MAGI3: variants seen among roughly 807,000 people sequenced by gnomAD.
MAGI3 encodes the protein membrane associated guanylate kinase, WW and PDZ domain containing 3.
MAGI3 carries 43 observed loss-of-function variants against 121.8 expected under a neutral mutation model. The observed-to-expected ratio is 0.35, with a 90% CI of 0.28 to 0.46. The LOEUF (loss-of-function observed/expected upper bound fraction) is 0.46, where lower values mean the gene tolerates loss of function less well. Among genes scored for constraint, MAGI3 ranks in the 20% least tolerant of loss-of-function variants. The pLI is 1.00. For missense variants in MAGI3, 1,547 were observed against 1,797.3 expected, an observed-to-expected ratio of 0.86 and a Z score of 2.52; for synonymous variants, 553 against 639.3, an observed-to-expected ratio of 0.86 and a Z score of 2.04.
intron 8 of MAGI3, among the ~76,000 whole-genome samples, chr1:113,621,220 C>T (rs1241026044): frequency 3.9e-5 from 6 of 152,064 alleles, no homozygotes; most frequent in Non-Finnish European, 8.8e-5. Context: ...GCCGAAAGGC[C>T]AGAAGGCAAG....
chr1:113,568,942 A>G (rs1437752974), intron 2 of MAGI3, among the ~76,000 whole-genome samples: 1 of 152,154 alleles, frequency 6.6e-6, no homozygotes, highest in African/African-American at 2.4e-5. Flanking sequence ...ATTTGACTAC[A>G]TTAAAATTAA....
At chr1:113,652,261 A>G (rs114608630) in intron 14 of MAGI3, among the ~76,000 whole-genome samples, 13 of 152,352 alleles carry the variant, frequency 8.5e-5, no homozygotes, top group Non-Finnish European at 1.3e-4. Flanking sequence ...GCACAAGAAT[A>G]TAAGCCTCAT....
intron 12 of MAGI3, among the ~76,000 whole-genome samples, chr1:113,647,962 C>T (rs1391982833): frequency 2.0e-5 from 3 of 151,818 alleles, no homozygotes; most frequent in Non-Finnish European, 2.9e-5. Flanking sequence ...TGCTCTGTCA[C>T]CCGGAGCTGG....
chr1:113,677,368 G>C (rs538059363), intron 19 of MAGI3, among the ~76,000 whole-genome samples: 71 of 152,322 alleles, frequency 4.7e-4, no homozygotes, highest in African/African-American at 1.7e-3. Flanking sequence ...CCCACTTACA[G>C]ATTTAAAACT....
intron 1 of MAGI3, among the ~76,000 whole-genome samples, chr1:113,415,465 TC>T (rs1448261870): frequency 1.3e-5 from 2 of 152,188 alleles, no homozygotes; most frequent in Admixed American, 1.3e-4. Flanking sequence ...CTCCTTTTTT[TC>T]CTATCACTTT....
chr1:113,542,357 T>A (rs546800637), intron 1 of MAGI3, among the ~76,000 whole-genome samples: 2 of 150,786 alleles, frequency 1.3e-5, no homozygotes. Flanking sequence ...GTTGAGTTCA[T>A]TGCAGCACTC....
chr1:113,615,879 C>T (rs1025352742), intron 7 of MAGI3, among the ~76,000 whole-genome samples: 3 of 152,060 alleles, frequency 2.0e-5, no homozygotes, highest in African/African-American at 7.2e-5. Flanking sequence ...AAGAAACAAC[C>T]ATTTTTCACA....
chr1:113,674,038 A>G (rs927344016), intron 19 of MAGI3, among the ~76,000 whole-genome samples: 31 of 152,344 alleles, frequency 2.0e-4, no homozygotes, highest in African/African-American at 7.0e-4. Context: ...TTGTTTATAG[A>G]TCTGCATAAG....
chr1:113,397,900 A>G (rs1287360459), intron 1 of MAGI3, among the ~76,000 whole-genome samples: 2 of 152,196 alleles, frequency 1.3e-5, no homozygotes, highest in African/African-American at 2.4e-5. Flanking sequence ...ATGGGAAAAC[A>G]CAATTTGCTA....
At chr1:113,467,515 A>G (rs917872333) in intron 1 of MAGI3, among the ~76,000 whole-genome samples, 2 of 152,030 alleles carry the variant, frequency 1.3e-5, no homozygotes, top group Non-Finnish European at 2.9e-5. Context: ...TACTGAGAGT[A>G]GGGTGTTAAA....
chr1:113,514,148 G>T (rs1350834103), intron 1 of MAGI3, among the ~76,000 whole-genome samples: 1 of 152,218 alleles, frequency 6.6e-6, no homozygotes, highest in Non-Finnish European at 1.5e-5. Flanking sequence ...AGGATGTGGA[G>T]AAATAGGACC....
chr1:113,448,202 T>G (rs1318268535), intron 1 of MAGI3, among the ~76,000 whole-genome samples: 1 of 152,246 alleles, frequency 6.6e-6, no homozygotes, highest in Non-Finnish European at 1.5e-5. Context: ...CTGGGCTTTT[T>G]GGTGATCTTT....
intron 3 of MAGI3, among the ~76,000 whole-genome samples, chr1:113,584,547 A>C (rs1648239936): frequency 6.6e-6 from 1 of 152,188 alleles, no homozygotes; most frequent in African/African-American, 2.4e-5. Flanking sequence ...TTACCCTTAC[A>C]TAAAAAGCCT....
At chr1:113,518,116 T>G (rs184711194) in intron 1 of MAGI3, among the ~76,000 whole-genome samples, 3 of 152,058 alleles carry the variant, frequency 2.0e-5, no homozygotes, top group African/African-American at 7.2e-5. Context: ...AACACACCAC[T>G]GACATTGCTG....
In MAGI3 at chr1:113,672,663, A is replaced by G; in HGVS notation, c.2967A>G (p.Arg989=). Residue 989 remains arginine, a synonymous_variant, in exon 18 of 21, where the codon AGA becomes AGG. Coordinates refer to ENST00000307546, the MANE Select transcript of MAGI3 (RefSeq NM_001142782.2). ...EIGKDVSTSY[R]HSWSDHKHLA... ...GAAAAGATGTCTCCACTTCTTACAG[A>G]CATTCTTGGTCAGACCACAAGCACC... 2.5e-6 allele frequency: 4 copies of G among 1,613,984 alleles called. No homozygotes were observed. The highest frequency in any genetic ancestry group is 3.4e-6 in the Non-Finnish European group (4 of 1,179,934).
At position 113,642,018 on chromosome 1, in the gene MAGI3, T is replaced by C; in HGVS notation, c.1468T>C (p.Leu490=). ...TGTCAATCAGTATGTAAACCTCACT[T>C]TATGTCGTGGTTATCCACTTCCTGA... is the stretch of plus-strand genomic sequence containing the variant. ...VPVNQYVNLT[L]CRGYPLPDDS... is the part of the protein sequence containing the mutation. Residue 490 remains leucine (L), a synonymous_variant, in exon 10 of 21, where the codon TTA becomes CTA. Coordinates refer to ENST00000307546, the MANE Select transcript of MAGI3 (RefSeq NM_001142782.2). 6.2e-7 allele frequency: 1 copy of C among 1,614,142 alleles called. No homozygotes were observed.
rs142992934 is a variant in MAGI3, at chr1:113,468,596, A to G, written c.316+77247A>G. Among the ~76,000 whole-genome samples, 258 of 152,288 alleles carry G rather than the reference A, an allele frequency of 1.7e-3. 1 individual carries two copies. The highest frequency in any genetic ancestry group is 5.5e-3 in the Admixed American group (84 of 15,276). The stretch of plus-strand genomic sequence containing the variant: ...AGAAGGGAAGAATTGGGTAGATCAG[A>G]GTTTTTCCGGTAGCATCTGCATTGA... On this transcript the variant is annotated intron_variant, in intron 1 of 20. Coordinates refer to ENST00000307546, the MANE Select transcript of MAGI3 (RefSeq NM_001142782.2).
At chr1:113,546,364 T>G (rs1036871134) in intron 1 of MAGI3, among the ~76,000 whole-genome samples, 3 of 152,204 alleles carry the variant, frequency 2.0e-5, no homozygotes, top group Non-Finnish European at 4.4e-5. Flanking sequence ...TGAGACAGAG[T>G]CCCACTCTGT....
intron 3 of MAGI3, among the ~76,000 whole-genome samples, chr1:113,584,972 T>TC (rs1221087323): frequency 7.0e-6 from 1 of 141,886 alleles, no homozygotes; most frequent in African/African-American, 2.6e-5. Flanking sequence ...ATTTCCTTTT[T>TC]TTTTTTTTTT....
Sources: gnomAD v4.1 joint callset for allele counts (sites outside exome capture counted in the v4.1 genomes callset) on GRCh38, gnomAD v4.1.1 for gene constraint, MANE v1.5 for transcripts, NCBI Gene and HGNC (gene_info 2026-07-23, HGNC 2026-07-21) for gene names.